The following MTUS2 variants were observed in gnomAD, a reference collection of about 807,000 sequenced individuals.
MTUS2 encodes the protein microtubule associated scaffold protein 2, also known as microtubule-associated tumor suppressor candidate 2.
Under a neutral mutation model 114.1 loss-of-function variants are expected in MTUS2, and 40 were observed. The ratio of observed to expected loss-of-function variants is 0.35; its 90% CI spans 0.27 to 0.46. MTUS2 has a LOEUF of 0.46. Ranked by LOEUF, MTUS2 falls within the 20% of genes least tolerant of loss-of-function variation. MTUS2 has a pLI of 1.00. For synonymous variants in MTUS2, 688 were observed against 672.0 expected (o/e 1.02, Z -0.37); for missense variants, 1,679 against 1,705.4 (o/e 0.98, Z 0.27).
intron 2 of MTUS2, among the ~76,000 whole-genome samples, chr13:28,840,239 G>A (rs953661041): frequency 6.6e-6 from 1 of 152,134 alleles, no homozygotes; most frequent in Non-Finnish European, 1.5e-5. Flanking sequence ...TTAAGTAGGG[G>A]ATGTGCCTGA....
intron 4 of MTUS2, among the ~76,000 whole-genome samples, chr13:29,085,535 G>A (rs1889652822): frequency 6.6e-6 from 1 of 152,150 alleles, no homozygotes; most frequent in South Asian, 2.1e-4. Flanking sequence ...AGAACATGTG[G>A]AATTTGGCTT....
chr13:29,206,067 C>T (rs752580555), intron 5 of MTUS2, among the ~76,000 whole-genome samples: 2 of 152,154 alleles, frequency 1.3e-5, no homozygotes, highest in Non-Finnish European at 2.9e-5. Flanking sequence ...CTCCCACCAA[C>T]TTCTATTGTT....
At chr13:28,925,881 A>T (rs1881302075) in intron 2 of MTUS2, among the ~76,000 whole-genome samples, 1 of 152,248 alleles carries the variant, frequency 6.6e-6, no homozygotes, top group Admixed American at 6.5e-5. Context: ...AACCAAAAGA[A>T]AGTAGATATG....
chr13:28,853,004 CT>C (rs1438633514), intron 2 of MTUS2, among the ~76,000 whole-genome samples: 5 of 151,092 alleles, frequency 3.3e-5, no homozygotes, highest in African/African-American at 9.7e-5. Context: ...TTGGAAAAAA[CT>C]TTCATGCAAG....
intron 6 of MTUS2, among the ~76,000 whole-genome samples, chr13:29,300,245 G>A (rs908622479): frequency 1.3e-5 from 2 of 152,204 alleles, no homozygotes; most frequent in East Asian, 3.9e-4. Flanking sequence ...TTAATATTAA[G>A]CCCCCTGTAG....
chr13:29,421,172 G>C (rs1659297809), intron 8 of MTUS2, among the ~76,000 whole-genome samples: 1 of 152,104 alleles, frequency 6.6e-6, no homozygotes, highest in South Asian at 2.1e-4. Context: ...AAAAATTTCT[G>C]TTTTCTATTT....
At chr13:29,286,183 C>T (rs1898473355) in intron 6 of MTUS2, among the ~76,000 whole-genome samples, 1 of 152,224 alleles carries the variant, frequency 6.6e-6, no homozygotes, top group Admixed American at 6.5e-5. Flanking sequence ...GCCTCAGCCT[C>T]CCAAAGTGCT....
chr13:28,827,299 CT>C lies in MTUS2; in HGVS notation c.-316+6697del, dbSNP rs570463209. Among the ~76,000 whole-genome samples the C allele has an allele frequency of 4.1e-4, 62 of 151,398 alleles. 1 individual carries two copies. The highest frequency in any genetic ancestry group is 1.4e-3 in the African/African-American group (58 of 41,312). ...TTTTCTGAAGACTCTAGCAAGTATTCTTTTTTTTTAAATCCACATTGTATTA... is the reference window on the plus strand; with the variant it reads ...TTTTCTGAAGACTCTAGCAAGTATTCTTTTTTTTAAATCCACATTGTATTA... On this transcript the variant is annotated intron_variant, in intron 1 of 15. Transcript: ENST00000612955.
At chr13:29,206,860 CT>C (rs1348963246) in intron 5 of MTUS2, among the ~76,000 whole-genome samples, 3 of 152,052 alleles carry the variant, frequency 2.0e-5, no homozygotes, top group Admixed American at 6.6e-5. Flanking sequence ...CAGATTTGTT[CT>C]TTTTGCTTAG....
At chr13:29,297,403 T>C (rs2139595775) in intron 6 of MTUS2, among the ~76,000 whole-genome samples, 1 of 152,330 alleles carries the variant, frequency 6.6e-6, no homozygotes, top group Admixed American at 6.5e-5. Flanking sequence ...CTTTGTATAT[T>C]CAACTTCTGA....
rs528357604 is a variant in MTUS2, at chr13:29,059,721, G to A, written c.2446+25596G>A. ...TTGCCTGGCTATGAGAGTTGGGGTC[G>A]GGTGGAGTCATCAACTCTGCTGTCC... is the stretch of plus-strand genomic sequence containing the variant. On this transcript the variant is annotated intron_variant, in intron 4 of 15. Transcript: ENST00000612955. Among the ~76,000 whole-genome samples, 18 of 152,302 alleles carry A rather than the reference G, an allele frequency of 1.2e-4. No homozygotes were observed. The South Asian group carries it at 3.1e-3, about 26-fold the overall frequency.
rs1241572150 is a variant in MTUS2 at position 29,006,739 on chromosome 13, C to T, written c.-242-17718C>T. On this transcript the variant is annotated intron_variant, in intron 2 of 15. Coordinates refer to ENST00000612955, the MANE Select transcript of MTUS2 (RefSeq NM_001033602.4). The stretch of plus-strand genomic sequence containing the variant: ...GGAGGGCTGTGTCTTCTAGGGAGCA[C>T]ACTACCTGATAGAACATGCTGGATA... Among the ~76,000 whole-genome samples the T allele has an allele frequency of 3.3e-5, 5 of 152,208 alleles. No homozygotes were observed. In the East Asian group the frequency reaches 9.6e-4, roughly 29 times the overall value.
intron 2 of MTUS2, among the ~76,000 whole-genome samples, chr13:28,892,201 T>C (rs1437561642): frequency 2.6e-5 from 4 of 152,228 alleles, no homozygotes; most frequent in Admixed American, 1.3e-4. Flanking sequence ...CCCTGTGTTA[T>C]GTCAGTGAGA....
intron 2 of MTUS2, among the ~76,000 whole-genome samples, chr13:28,899,261 C>G (rs1172598929): frequency 1.3e-5 from 2 of 152,132 alleles, no homozygotes; most frequent in African/African-American, 4.8e-5. Context: ...TTAAGTTCAG[C>G]CAAAAGATTT....
chr13:28,846,840 T>G (rs1042527325), intron 2 of MTUS2, among the ~76,000 whole-genome samples: 6 of 152,230 alleles, frequency 3.9e-5, no homozygotes, highest in African/African-American at 1.4e-4. Flanking sequence ...TTTTCATACC[T>G]CATGCATCCC....
At chr13:28,853,798 A>G (rs1876452510) in intron 2 of MTUS2, among the ~76,000 whole-genome samples, 1 of 152,238 alleles carries the variant, frequency 6.6e-6, no homozygotes, top group Admixed American at 6.5e-5. Flanking sequence ...TAGCCAAATA[A>G]AAACAGATGA....
At chr13:28,998,852 C>T (rs1045030775) in intron 2 of MTUS2, among the ~76,000 whole-genome samples, 6 of 152,144 alleles carry the variant, frequency 3.9e-5, no homozygotes, top group Admixed American at 2.0e-4. Flanking sequence ...TCCTTTAGCT[C>T]GGAGTAGTTT....
chr13:28,913,612 G>A (rs2138023146), intron 2 of MTUS2, among the ~76,000 whole-genome samples: 1 of 152,188 alleles, frequency 6.6e-6, no homozygotes, highest in African/African-American at 2.4e-5. Flanking sequence ...TTTGGTATCA[G>A]GATGATGCTG....
intron 2 of MTUS2, among the ~76,000 whole-genome samples, chr13:28,851,677 A>G (rs1408154750): frequency 3.3e-5 from 5 of 152,182 alleles, no homozygotes; most frequent in Non-Finnish European, 7.4e-5. Flanking sequence ...TAAAAAATAT[A>G]CAAAATTACT....
Sources: gnomAD v4.1 joint callset for allele counts (sites outside exome capture counted in the v4.1 genomes callset) on GRCh38, gnomAD v4.1.1 for gene constraint, MANE v1.5 for transcripts, NCBI Gene and HGNC (gene_info 2026-07-23, HGNC 2026-07-21) for gene names.